The following OPRM1 variants were observed in gnomAD, a reference collection of about 807,000 sequenced individuals.
The protein encoded by OPRM1 is opioid receptor mu 1.
A neutral mutation model predicts 31.8 loss-of-function variants in OPRM1; 27 were observed. The ratio of observed to expected loss-of-function variants is 0.85; its 90% confidence interval spans 0.63 to 1.17. The LOEUF (loss-of-function observed/expected upper bound fraction) is 1.17. Ranked by LOEUF, OPRM1 falls within the 50% of genes most tolerant of loss-of-function variation. OPRM1 has a pLI of 0.00. For synonymous variants in OPRM1, 196 were observed against 189.9 expected, an observed-to-expected ratio of 1.03 and a Z score of -0.26; for missense variants, 536 against 511.1, an observed-to-expected ratio of 1.05 and a Z score of -0.47.
intron 3 of OPRM1, among the ~76,000 whole-genome samples, chr6:154,210,755 T>C (rs1777892589): frequency 6.6e-6 from 1 of 152,238 alleles, no homozygotes; most frequent in Non-Finnish European, 1.5e-5. Context: ...AAAATTGTTC[T>C]AAATTTTACC....
At chr6:154,041,534 C>T (rs977233966) in intron 1 of OPRM1, among the ~76,000 whole-genome samples, 1 of 152,036 alleles carries the variant, frequency 6.6e-6, no homozygotes, top group East Asian at 1.9e-4. Context: ...ATTATCTATG[C>T]TAAGTAAATA....
chr6:154,109,449 T>C (rs948826717), intron 3 of OPRM1, among the ~76,000 whole-genome samples: 4 of 152,352 alleles, frequency 2.6e-5, no homozygotes, highest in East Asian at 3.9e-4. Context: ...CTGTGAGTTA[T>C]AGAGATTTTC....
At chr6:154,050,586 G>A (rs1781992459) in intron 1 of OPRM1, among the ~76,000 whole-genome samples, 1 of 151,928 alleles carries the variant, frequency 6.6e-6, no homozygotes, top group South Asian at 2.1e-4. Flanking sequence ...GTAGAAGGAT[G>A]GTGACCAGAG....
intron 3 of OPRM1, among the ~76,000 whole-genome samples, chr6:154,206,531 T>A (rs1459025211): frequency 1.3e-5 from 2 of 152,164 alleles, no homozygotes; most frequent in African/African-American, 4.8e-5. Context: ...GCTCTGACTT[T>A]AAGAATTTAA....
chr6:154,242,918 C>G (rs1780713413), intron 3 of OPRM1, among the ~76,000 whole-genome samples: 1 of 152,000 alleles, frequency 6.6e-6, no homozygotes, highest in Non-Finnish European at 1.5e-5. Flanking sequence ...ATAGGCCACT[C>G]AGGCAGCAGA....
chr6:154,199,948 ACTG>A (rs1562537447), intron 3 of OPRM1: 19 of 1,614,098 alleles, frequency 1.2e-5, no homozygotes, highest in East Asian at 4.5e-5. Flanking sequence ...AGGAAGGAAA[ACTG>A]CTGGGTGTCT....
At chr6:154,189,556 ATAGC>A (rs951066512) in intron 3 of OPRM1, among the ~76,000 whole-genome samples, 58 of 152,362 alleles carry the variant, frequency 3.8e-4, no homozygotes, top group African/African-American at 1.3e-3. Context: ...ATAGTTCAAG[ATAGC>A]TAGAAGATTT....
rs1234014417 is a variant in OPRM1 at position 154,130,852 on chromosome 6, CT to C, written c.*12133del. Among the ~76,000 whole-genome samples, 3 of 151,868 alleles carry C rather than the reference CT, an allele frequency of 2.0e-5. No individual in the cohort carries two copies. The highest frequency in any genetic ancestry group is 7.3e-5 in the African/African-American group (3 of 41,352). ...AAATGCCTGTTTTCACTAAGTCATC[CT>C]TCCCCTGGCAATACATTTCCTGAAC... On this transcript the variant is annotated 3_prime_UTR_variant, in exon 4 of 4. Transcript: ENST00000330432.
chr6:154,171,096 C>T (rs1284563779), intron 3 of OPRM1, among the ~76,000 whole-genome samples: 3 of 152,134 alleles, frequency 2.0e-5, no homozygotes, highest in East Asian at 3.9e-4. Context: ...GCATGTGCCC[C>T]AGCAATTACA....
At chr6:154,013,864 A>C (rs1777860120) in intron 1 of OPRM1, among the ~76,000 whole-genome samples, 1 of 152,156 alleles carries the variant, frequency 6.6e-6, no homozygotes, top group Non-Finnish European at 1.5e-5. Context: ...AGGCTTCTTG[A>C]GACCTAGACT....
intron 3 of OPRM1, among the ~76,000 whole-genome samples, chr6:154,175,909 T>C (rs1314494216): frequency 3.3e-5 from 5 of 152,174 alleles, no homozygotes; most frequent in Admixed American, 6.5e-5. Flanking sequence ...TGAACATTGA[T>C]GTAAAAATCC....
chr6:154,117,820 G>GA (rs1797029974), intron 3 of OPRM1, among the ~76,000 whole-genome samples: 1 of 150,296 alleles, frequency 6.7e-6, no homozygotes, highest in Non-Finnish European at 1.5e-5. Flanking sequence ...AATGTACTGA[G>GA]ATATTTAAGG....
chr6:154,147,462 G>T (rs942696230), intron 3 of OPRM1, among the ~76,000 whole-genome samples: 1 of 152,108 alleles, frequency 6.6e-6, no homozygotes, highest in Non-Finnish European at 1.5e-5. Flanking sequence ...TCTGCTGTTT[G>T]GTGTCCCAGG....
At chr6:154,209,949 T>C (rs1330185330) in intron 3 of OPRM1, among the ~76,000 whole-genome samples, 1 of 152,234 alleles carries the variant, frequency 6.6e-6, no homozygotes, top group African/African-American at 2.4e-5. Context: ...ATTTGATTGA[T>C]GATTCAAAAA....
At chr6:154,061,828 G>GAA (rs11441094) in intron 1 of OPRM1, among the ~76,000 whole-genome samples, 3 of 147,006 alleles carry the variant, frequency 2.0e-5, no homozygotes, top group Non-Finnish European at 3.0e-5. Flanking sequence ...ATAATAGTTG[G>GAA]AAAAAAAAAA....
chr6:154,098,590 T>G lies in OPRM1; in HGVS notation c.1164+7118T>G, dbSNP rs927166910. Among the ~76,000 whole-genome samples the G allele has an allele frequency of 7.2e-5, 11 of 152,334 alleles. 1 individual carries two copies. In the South Asian group the frequency reaches 2.3e-3, roughly 32 times the overall value. On this transcript the variant is annotated intron_variant, in intron 3 of 3. Coordinates refer to ENST00000330432, the MANE Select transcript of OPRM1 (RefSeq NM_000914.5). ...ATGATTTTGAAATGCAGTTTCACAG[T>G]ATTTATTTTTGCTTTTGCATTTTCT...
intron 3 of OPRM1, among the ~76,000 whole-genome samples, chr6:154,112,195 C>T (rs1322562624): frequency 1.3e-5 from 2 of 152,188 alleles, no homozygotes; most frequent in Non-Finnish European, 2.9e-5. Flanking sequence ...ACTAACTGTA[C>T]TGTGGTTATC....
intron 3 of OPRM1, among the ~76,000 whole-genome samples, chr6:154,211,329 A>C (rs1336222213): frequency 6.6e-6 from 1 of 152,046 alleles, no homozygotes; most frequent in African/African-American, 2.4e-5. Flanking sequence ...GAATGGTGTG[A>C]ACCTGGGAGG....
At chr6:154,178,790 A>G (rs575210670) in intron 3 of OPRM1, among the ~76,000 whole-genome samples, 24 of 152,224 alleles carry the variant, frequency 1.6e-4, no homozygotes, top group Non-Finnish European at 2.9e-4. Context: ...AAATAATGAA[A>G]GGCAAATTAT....
Sources: gnomAD v4.1 joint callset for allele counts (sites outside exome capture counted in the v4.1 genomes callset) on GRCh38, gnomAD v4.1.1 for gene constraint, MANE v1.5 for transcripts, NCBI Gene and HGNC (gene_info 2026-07-23, HGNC 2026-07-21) for gene names.